The following SETBP1 variants were observed in gnomAD, a reference collection of about 807,000 sequenced individuals.
SETBP1 encodes the protein SET binding protein 1, also known as SET-binding protein.
SETBP1 carries 9 observed loss-of-function variants against 101.0 expected under a neutral mutation model. The ratio of observed to expected loss-of-function variants is 0.09; its 90% CI spans 0.05 to 0.16. SETBP1 has a LOEUF of 0.16. Ranked by LOEUF, SETBP1 falls within the 10% of genes least tolerant of loss-of-function variation. SETBP1 has a pLI of 1.00. For missense variants in SETBP1, 1,858 were observed against 2,033.8 expected, an observed-to-expected ratio of 0.91 and a Z score of 1.66; for synonymous variants, 818 against 788.5, an observed-to-expected ratio of 1.04 and a Z score of -0.63.
chr18:44,995,061 T>A (rs2072460479), intron 4 of SETBP1, among the ~76,000 whole-genome samples: 1 of 151,776 alleles, frequency 6.6e-6, no homozygotes, highest in South Asian at 2.1e-4. Flanking sequence ...GTAACACACA[T>A]GTGAGTGTCA....
At chr18:44,830,065 A>G (rs541691411) in intron 2 of SETBP1, among the ~76,000 whole-genome samples, 2 of 152,350 alleles carry the variant, frequency 1.3e-5, no homozygotes, top group South Asian at 4.1e-4. Context: ...TAAAAATTAT[A>G]TTGTAAAAAA....
At chr18:44,740,811 T>G (rs1002528520) in intron 2 of SETBP1, among the ~76,000 whole-genome samples, 83 of 152,334 alleles carry the variant, frequency 5.4e-4, no homozygotes, top group Non-Finnish European at 4.3e-4. Context: ...AATTCTCATT[T>G]TTAATTGGTT....
At chr18:45,048,978 CAAAAAAAAAAAAAA>C (rs71177665) in intron 5 of SETBP1, among the ~76,000 whole-genome samples, 1 of 46,650 alleles carries the variant, frequency 2.1e-5, no homozygotes. Context: ...GACTCCGTCT[CAAAAAAAAAAAAAA>C]AAAAAAAAAA....
At chr18:44,930,887 T>G (rs12150717) in intron 3 of SETBP1, among the ~76,000 whole-genome samples, 79,005 of 151,428 alleles carry the variant, frequency 0.52, 20,845 homozygotes, top group East Asian at 0.73. Flanking sequence ...AAAAAAAAAC[T>G]GCTCCTGGAT....
At chr18:44,738,543 G>C (rs2144449833) in intron 2 of SETBP1, among the ~76,000 whole-genome samples, 1 of 152,266 alleles carries the variant, frequency 6.6e-6, no homozygotes, top group South Asian at 2.1e-4. Flanking sequence ...GGAGGCCGAG[G>C]CAGGCAGATC....
chr18:45,036,014 G>A (rs1306347255), intron 4 of SETBP1, among the ~76,000 whole-genome samples: 2 of 152,118 alleles, frequency 1.3e-5, no homozygotes, highest in African/African-American at 4.8e-5. Flanking sequence ...CATATTTGTG[G>A]GTTTTTTAAA....
intron 4 of SETBP1, among the ~76,000 whole-genome samples, chr18:44,956,553 T>G (rs1462053171): frequency 6.6e-6 from 1 of 152,224 alleles, no homozygotes; most frequent in African/African-American, 2.4e-5. Flanking sequence ...TTCATCACAC[T>G]TGATTCATTT....
intron 2 of SETBP1, among the ~76,000 whole-genome samples, chr18:44,864,440 C>CAG (rs1174356218): frequency 5.9e-5 from 9 of 151,530 alleles, no homozygotes; most frequent in East Asian, 5.8e-4. Context: ...CCCTCAAGCT[C>CAG]AGAGAGAGAG....
intron 3 of SETBP1, chr18:44,876,544 G>A: frequency 6.5e-7 from 1 of 1,532,596 alleles, no homozygotes; most frequent in South Asian, 1.2e-5. Context: ...CAAAATCTAA[G>A]TCAGCCTCCT....
intron 5 of SETBP1, among the ~76,000 whole-genome samples, chr18:45,059,505 T>C (rs1210698316): frequency 6.6e-6 from 1 of 152,180 alleles, no homozygotes; most frequent in African/African-American, 2.4e-5. Flanking sequence ...CTCCCTGCCC[T>C]GCGATTTATT....
intron 4 of SETBP1, among the ~76,000 whole-genome samples, chr18:44,974,876 A>G (rs1293406749): frequency 6.6e-6 from 1 of 152,158 alleles, no homozygotes; most frequent in African/African-American, 2.4e-5. Flanking sequence ...AAACAAAGAC[A>G]CCTAAGTAAA....
At position 45,068,311 on chromosome 18, in the gene SETBP1, C is replaced by T. The variant is rs920274413; in HGVS notation, c.*4613C>T. 3.3e-5 allele frequency: 5 copies of T among 152,034 alleles called. No homozygotes were observed. The highest frequency in any genetic ancestry group is 9.7e-5 in the African/African-American group (4 of 41,386). The allele number at this position is 152,034 out of a possible 1,614,324, so 9.4% of individuals were successfully genotyped here. On this transcript the variant is annotated 3_prime_UTR_variant, in exon 6 of 6. Transcript: ENST00000649279. ...CTTGCTGTTATTTGAGGCGTAGATACATCTAGCATGCTTACTGTCATGCTC... is the reference window on the plus strand; with the variant it reads ...CTTGCTGTTATTTGAGGCGTAGATATATCTAGCATGCTTACTGTCATGCTC...
chr18:45,027,474 G>C (rs914162903), intron 4 of SETBP1, among the ~76,000 whole-genome samples: 1 of 152,100 alleles, frequency 6.6e-6, no homozygotes, highest in Admixed American at 6.6e-5. Context: ...TCTCATATAA[G>C]ATATTAACCA....
intron 2 of SETBP1, among the ~76,000 whole-genome samples, chr18:44,768,961 T>C (rs934077863): frequency 8.5e-5 from 13 of 152,210 alleles, no homozygotes; most frequent in African/African-American, 2.9e-4. Context: ...CAGTGGGACC[T>C]GTTGGGTATA....
chr18:44,728,969 T>G (rs1017668902), intron 2 of SETBP1, among the ~76,000 whole-genome samples: 1 of 152,230 alleles, frequency 6.6e-6, no homozygotes, highest in African/African-American at 2.4e-5. Context: ...GTGTGCCAGA[T>G]AGAGTTCTAA....
intron 4 of SETBP1, among the ~76,000 whole-genome samples, chr18:44,969,106 T>C (rs949137355): frequency 2.0e-5 from 3 of 152,212 alleles, no homozygotes; most frequent in African/African-American, 7.2e-5. Flanking sequence ...CAAAAACATG[T>C]GCTTTCTCCT....
chr18:44,725,131 G>C (rs1436302457), intron 2 of SETBP1, among the ~76,000 whole-genome samples: 1 of 152,150 alleles, frequency 6.6e-6, no homozygotes, highest in Non-Finnish European at 1.5e-5. Flanking sequence ...TGTAAAAGGG[G>C]CCAGTTTTCT....
intron 3 of SETBP1, among the ~76,000 whole-genome samples, chr18:44,918,169 C>A (rs2144917585): frequency 6.6e-6 from 1 of 152,340 alleles, no homozygotes; most frequent in South Asian, 2.1e-4. Flanking sequence ...TAGTCTACTT[C>A]AAAATAATAA....
chr18:44,700,568 A>C (rs186161929), intron 1 of SETBP1, among the ~76,000 whole-genome samples: 10 of 152,260 alleles, frequency 6.6e-5, no homozygotes, highest in African/African-American at 2.2e-4. Context: ...TGTGTGCCTC[A>C]AACCTAAGCT....
Sources: allele counts gnomAD v4.1 joint callset (sites outside exome capture counted in the v4.1 genomes callset), GRCh38; gene constraint gnomAD v4.1.1; transcripts MANE v1.5; gene names NCBI Gene and HGNC (gene_info 2026-07-23, HGNC 2026-07-21).